AFAP1L2: variants seen among roughly 807,000 people sequenced by gnomAD.
AFAP1L2 encodes the protein actin filament associated protein 1 like 2, also known as actin filament-associated protein 1-like 2.
A neutral mutation model predicts 99.3 loss-of-function variants in AFAP1L2; 46 were observed. That is an observed-to-expected ratio of 0.46 (90% CI 0.37 to 0.59). AFAP1L2 has a LOEUF of 0.59. AFAP1L2 is among the 20% of genes least tolerant of loss of function. AFAP1L2 has a pLI of 0.00. For missense variants in AFAP1L2, 959 were observed against 1,034.9 expected (o/e 0.93, Z 1.01); for synonymous variants, 397 against 419.1 (o/e 0.95, Z 0.64).
rs1358910688 is a variant in AFAP1L2, at chr10:114,324,391, G to A, written c.316-1130C>T. On this transcript the variant is annotated intron_variant, in intron 4 of 18. Coordinates refer to ENST00000304129, the MANE Select transcript of AFAP1L2 (RefSeq NM_001001936.3). ...CCCGAGTAGTTGGGATTACAGGGGT[G>A]CACCACCCCCCCCCCCCCCCCGGCT... Among the ~76,000 whole-genome samples, 7 of 45,170 alleles carry A rather than the reference G, an allele frequency of 1.5e-4. No individual in the cohort carries two copies. The East Asian group carries it at 0.01, about 67-fold the overall frequency. 29.6% of individuals were successfully genotyped at this position (45,170 alleles called of 152,430 possible). A position where few individuals can be genotyped will look rare whatever the true frequency, so the allele number is the denominator to read the frequency against.
At chr10:114,289,440 C>T in the AFAP1L2 span, 1,219 of 1,614,210 alleles carry the variant, frequency 7.6e-4, 10 homozygotes, top group African/African-American at 0.015. Flanking sequence ...TGGCAGCTTA[C>T]GCCGACCTGC....
At chr10:114,352,930 C>T (rs995182413) in intron 1 of AFAP1L2, among the ~76,000 whole-genome samples, 1 of 152,252 alleles carries the variant, frequency 6.6e-6, no homozygotes, top group African/African-American at 2.4e-5. Flanking sequence ...GCTTTTCCCC[C>T]TTCCCCCTCA....
chr10:114,350,634 G>C (rs1281492717), intron 1 of AFAP1L2, among the ~76,000 whole-genome samples: 2 of 152,148 alleles, frequency 1.3e-5, no homozygotes, highest in Non-Finnish European at 2.9e-5. Flanking sequence ...TCTCTAAAAC[G>C]AGCCACCAGA....
chr10:114,281,623 G>T, the AFAP1L2 span: 2 of 498,410 alleles, frequency 4.0e-6, no homozygotes, highest in Non-Finnish European at 5.2e-6. Context: ...GAGTCCAGTG[G>T]CTTACATGTC....
At chr10:114,302,630 C>T (rs920602652) in intron 11 of AFAP1L2, 146 bp from the exon 12 acceptor site, 21 of 955,780 alleles carry the variant, frequency 2.2e-5, no homozygotes, top group African/African-American at 6.6e-5. Flanking sequence ...TTCTCCTGTT[C>T]ACCAGCCTAT....
rs113442414 is a variant in AFAP1L2 at position 114,352,129 on chromosome 10, T to C, written c.17-11398A>G. ...TAAGAGTGGTAGAAAAAACTCTCCATAGACTGTAAATACACACACACATTA... is the reference window on the plus strand; with the variant it reads ...TAAGAGTGGTAGAAAAAACTCTCCACAGACTGTAAATACACACACACATTA... On this transcript the variant is annotated intron_variant, in intron 1 of 18. Transcript: ENST00000304129. Among the ~76,000 whole-genome samples the C allele has an allele frequency of 4.1e-3, 620 of 152,252 alleles. 8 individuals carry two copies. The highest frequency in any genetic ancestry group is 0.014 in the African/African-American group (587 of 41,530).
intron 1 of AFAP1L2, among the ~76,000 whole-genome samples, chr10:114,360,626 A>G (rs1172608256): frequency 6.6e-6 from 1 of 152,064 alleles, no homozygotes; most frequent in Non-Finnish European, 1.5e-5. Context: ...CCTGACTAGT[A>G]CAGAGAGCTT....
rs532382645 is a variant in AFAP1L2, at chr10:114,322,373, C to G, written c.406+798G>C. Among the ~76,000 whole-genome samples, 10 of 152,310 alleles carry G rather than the reference C, an allele frequency of 6.6e-5. No individual in the cohort carries two copies. In the East Asian group the frequency reaches 1.9e-3, roughly 29 times the overall value. Reference sequence around the variant, plus strand: ...GGCAGCCCCATCTGCGTCCCCACCTCCTTTCATTCTCCCCTGCTCCTGCCA... The same window carrying G: ...GGCAGCCCCATCTGCGTCCCCACCTGCTTTCATTCTCCCCTGCTCCTGCCA... On this transcript the variant is annotated intron_variant, in intron 5 of 18. Coordinates refer to ENST00000304129, the MANE Select transcript of AFAP1L2 (RefSeq NM_001001936.3).
At chr10:114,300,824 G>T (rs887243520) in intron 13 of AFAP1L2, 134 bp from the exon 14 acceptor site, 2 of 1,266,294 alleles carry the variant, frequency 1.6e-6, no homozygotes, top group African/African-American at 1.5e-5. Flanking sequence ...CTGCTGGGGG[G>T]GCCACTGGCT....
At chr10:114,285,044 G>A in the AFAP1L2 span, 24 of 1,214,452 alleles carry the variant, frequency 2.0e-5, no homozygotes, top group Admixed American at 9.2e-5. Flanking sequence ...TTCATTGCAC[G>A]CCCTTCCAGC....
intron 1 of AFAP1L2, among the ~76,000 whole-genome samples, chr10:114,379,558 G>C (rs1026978001): frequency 6.6e-6 from 1 of 152,240 alleles, no homozygotes; most frequent in Non-Finnish European, 1.5e-5. Context: ...AGGAATGGTA[G>C]AGACAGGGAG....
At chr10:114,391,291 T>C (rs761689690) in intron 1 of AFAP1L2, among the ~76,000 whole-genome samples, 7 of 151,996 alleles carry the variant, frequency 4.6e-5, no homozygotes, top group Non-Finnish European at 1.0e-4. Flanking sequence ...GAGATCTCAG[T>C]TCACTGCAAC....
At chr10:114,396,396 C>T (rs1244989461) in intron 1 of AFAP1L2, among the ~76,000 whole-genome samples, 1 of 152,236 alleles carries the variant, frequency 6.6e-6, no homozygotes, top group Non-Finnish European at 1.5e-5. Context: ...TGGGGACTTC[C>T]ACATCCTGTC....
At chr10:114,392,670 C>T (rs1054410145) in intron 1 of AFAP1L2, among the ~76,000 whole-genome samples, 7 of 152,216 alleles carry the variant, frequency 4.6e-5, no homozygotes, top group African/African-American at 1.4e-4. Flanking sequence ...CATTTTCACA[C>T]TCATAATGGT....
chr10:114,289,139 G>GAT, the AFAP1L2 span: 2 of 1,613,914 alleles, frequency 1.2e-6, no homozygotes, highest in Non-Finnish European at 1.7e-6. Flanking sequence ...AAACCCACCC[G>GAT]GGCTGCGATG....
rs376555894 is a variant in AFAP1L2 at position 114,316,030 on chromosome 10, C to G, written c.407-265G>C. 8.5e-5 allele frequency among the ~76,000 whole-genome samples: 13 copies of G among 152,362 alleles called. No homozygotes were observed. The East Asian group carries it at 1.2e-3, about 14-fold the overall frequency. On this transcript the variant is annotated intron_variant, in intron 5 of 18. Transcript: ENST00000304129. ...ACCAAAGTCTCTCCCTTTTCTTCCT[C>G]AAATCCTGTCACTCCCAACTCCACA... is the stretch of plus-strand genomic sequence containing the variant.
Position 114,295,909 on chromosome 10 carries a change from T to C in AFAP1L2, c.*133A>G. 6.4e-7 allele frequency: 1 copy of C among 1,566,394 alleles called. No homozygotes were observed. Among genetic ancestry groups the C allele is most frequent in the Non-Finnish European group, 8.7e-7 (1 of 1,155,772 alleles). On this transcript the variant is annotated 3_prime_UTR_variant, in exon 19 of 19. Transcript: ENST00000304129. ...CAGAGCCTCCTCTTAGCTGAAGCTC[T>C]CCATTCACAGTACCTCAGTCTTTGC... is the stretch of plus-strand genomic sequence containing the variant.
chr10:114,350,017 C>G (rs1244794282), intron 1 of AFAP1L2, among the ~76,000 whole-genome samples: 1 of 152,200 alleles, frequency 6.6e-6, no homozygotes, highest in African/African-American at 2.4e-5. Flanking sequence ...AGGACAGATG[C>G]TGGGCTGTGG....
At position 114,297,296 on chromosome 10, in the gene AFAP1L2, A is replaced by C; in HGVS notation, c.2231T>G (p.Leu744Arg). Residue 744 changes from leucine to arginine, a missense_variant, in exon 17 of 19, where the codon CTG becomes CGG. By Grantham distance (102) the Leu-to-Arg change is moderately radical (BLOSUM62 -2). This residue lies in a region of AFAP1L2 where 576 missense variants were observed against 562.1 expected (regional missense o/e 1.02). Transcript: ENST00000304129. Reference sequence around the variant, plus strand: ...CACAGGCCCTGCCTCAGCCTTCTTCAGGTTGTCCTTCACCTCCATGATGCT... The same window carrying C: ...CACAGGCCCTGCCTCAGCCTTCTTCCGGTTGTCCTTCACCTCCATGATGCT... ...ELSIMEVKDN[L>R]KKAEAGPVTL... 2 of 1,614,018 alleles carry C rather than the reference A, an allele frequency of 1.2e-6. No individual in the cohort carries two copies. Among genetic ancestry groups the C allele is most frequent in the Non-Finnish European group, 1.7e-6 (2 of 1,180,012 alleles).
Sources: allele counts gnomAD v4.1 joint callset (sites outside exome capture counted in the v4.1 genomes callset), GRCh38; gene constraint gnomAD v4.1.1; regional missense constraint gnomAD v4.1.1; transcripts MANE v1.5; gene names NCBI Gene and HGNC (gene_info 2026-07-23, HGNC 2026-07-21).